Variants in FARP1 observed in about 807,000 individuals in gnomAD.
FARP1 encodes the protein FERM, ARH/RhoGEF and pleckstrin domain protein 1.
Under a neutral mutation model 128.8 loss-of-function variants are expected in FARP1, and 52 were observed. That is an observed-to-expected ratio of 0.40 (90% CI 0.32 to 0.51). The LOEUF is 0.51. Ranked by LOEUF, FARP1 falls within the 20% of genes least tolerant of loss-of-function variation. The pLI, the probability that FARP1 is intolerant of heterozygous loss-of-function variation, is 0.45. For synonymous variants in FARP1, 580 were observed against 551.8 expected (o/e 1.05, Z -0.72); for missense variants, 1,333 against 1,367.9 (o/e 0.97, Z 0.40).
At chr13:98,386,022 T>A in intron 8 of FARP1, 1 of 550,636 alleles carries the variant, frequency 1.8e-6, no homozygotes, top group Non-Finnish European at 3.2e-6. Flanking sequence ...GTTTGGGGAA[T>A]CCACATTACA....
At chr13:98,212,529 G>A (rs1880787897) in intron 1 of FARP1, among the ~76,000 whole-genome samples, 1 of 151,848 alleles carries the variant, frequency 6.6e-6, no homozygotes, top group South Asian at 2.1e-4. Context: ...AGACTATCTG[G>A]GGAGGAAAGA....
At chr13:98,372,673 T>A (rs1178088425) in intron 5 of FARP1, among the ~76,000 whole-genome samples, 2 of 152,236 alleles carry the variant, frequency 1.3e-5, no homozygotes, top group African/African-American at 4.8e-5. Context: ...TTATTCATAT[T>A]GAAAGCAAGG....
chr13:98,277,783 G>A (rs761541221), intron 2 of FARP1, among the ~76,000 whole-genome samples: 2 of 152,208 alleles, frequency 1.3e-5, no homozygotes, highest in African/African-American at 4.8e-5. Context: ...CTTCATGCCA[G>A]CTGCCTATTA....
intron 19 of FARP1, among the ~76,000 whole-genome samples, chr13:98,437,086 G>A (rs987493193): frequency 3.9e-5 from 6 of 152,102 alleles, no homozygotes; most frequent in African/African-American, 1.4e-4. Flanking sequence ...TTTGCTCTGT[G>A]AAAATGACAT....
intron 2 of FARP1, among the ~76,000 whole-genome samples, chr13:98,278,310 G>C (rs575941807): frequency 2.7e-5 from 4 of 150,210 alleles, no homozygotes; most frequent in Non-Finnish European, 5.9e-5. Context: ...GTGTGTGAGA[G>C]TATACTGCAA....
intron 1 of FARP1, chr13:98,175,956 C>G (rs1877981963): frequency 1.7e-6 from 1 of 576,200 alleles, no homozygotes; most frequent in Non-Finnish European, 3.1e-6. Context: ...GTCCATTCAT[C>G]CATCCATGGA....
At chr13:98,217,796 G>T (rs1218710882) in intron 2 of FARP1, among the ~76,000 whole-genome samples, 1 of 152,196 alleles carries the variant, frequency 6.6e-6, no homozygotes, top group Non-Finnish European at 1.5e-5. Flanking sequence ...GGAGGGCAAG[G>T]CCTCTTGTTC....
At chr13:98,150,676 C>T (rs756913309) in intron 1 of FARP1, among the ~76,000 whole-genome samples, 4 of 152,112 alleles carry the variant, frequency 2.6e-5, no homozygotes, top group Non-Finnish European at 5.9e-5. Context: ...GCATATTGCT[C>T]CTTTCAAGAG....
chr13:98,268,175 G>C (rs1287853990), intron 2 of FARP1, among the ~76,000 whole-genome samples: 1 of 152,204 alleles, frequency 6.6e-6, no homozygotes, highest in Non-Finnish European at 1.5e-5. Flanking sequence ...TCAGTGTCCA[G>C]AGATGAAATT....
chr13:98,231,941 C>T (rs997788075), intron 2 of FARP1, among the ~76,000 whole-genome samples: 2 of 152,068 alleles, frequency 1.3e-5, no homozygotes, highest in Non-Finnish European at 2.9e-5. Context: ...GATTTTCCTG[C>T]CTCAGCCTCC....
At chr13:98,413,092 A>G (rs573609679) in intron 16 of FARP1, among the ~76,000 whole-genome samples, 3 of 152,322 alleles carry the variant, frequency 2.0e-5, no homozygotes, top group South Asian at 2.1e-4. Context: ...TGTGAAGCCA[A>G]TATGCTGGGG....
At chr13:98,209,875 G>T (rs185467703) in intron 1 of FARP1, among the ~76,000 whole-genome samples, 1 of 149,640 alleles carries the variant, frequency 6.7e-6, no homozygotes, top group Admixed American at 6.7e-5. Flanking sequence ...CCAGCTACCC[G>T]GGAGGCTGAG....
At chr13:98,440,411 G>A (rs996978068) in intron 23 of FARP1, among the ~76,000 whole-genome samples, 176 bp downstream of exon 23, 6 of 152,186 alleles carry the variant, frequency 3.9e-5, no homozygotes, top group African/African-American at 1.4e-4. Flanking sequence ...AAATCGGCAT[G>A]AGGGAGCTGG....
intron 2 of FARP1, among the ~76,000 whole-genome samples, chr13:98,284,897 C>A (rs549754823): frequency 6.6e-6 from 1 of 152,114 alleles, no homozygotes; most frequent in Non-Finnish European, 1.5e-5. Flanking sequence ...TCTCTGTGTA[C>A]GCATTTCCTA....
At chr13:98,346,227 TCG>T in intron 3 of FARP1, among the ~76,000 whole-genome samples, 1 of 146,970 alleles carries the variant, frequency 6.8e-6, no homozygotes. Flanking sequence ...TCTTTCTCTG[TCG>T]CCCAGGCAGG....
intron 3 of FARP1, among the ~76,000 whole-genome samples, chr13:98,358,544 A>C (rs1019756049): frequency 6.6e-6 from 1 of 152,224 alleles, no homozygotes; most frequent in Admixed American, 6.5e-5. Context: ...TATCTTTTAA[A>C]TATAACCAAA....
At chr13:98,377,994 T>A in intron 6 of FARP1, 76 bp downstream of exon 6, 1 of 1,112,502 alleles carries the variant, frequency 9.0e-7, no homozygotes. Context: ...AAAAATCACA[T>A]CCACCAAAAA....
chr13:98,277,612 C>T (rs945126797), intron 2 of FARP1, among the ~76,000 whole-genome samples: 25 of 152,264 alleles, frequency 1.6e-4, no homozygotes, highest in Non-Finnish European at 2.6e-4. Flanking sequence ...TTCTGGGAGA[C>T]CTTCGGGGAC....
intron 2 of FARP1, among the ~76,000 whole-genome samples, chr13:98,260,899 A>C (rs1419418375): frequency 6.6e-6 from 1 of 152,182 alleles, no homozygotes; most frequent in East Asian, 1.9e-4. Flanking sequence ...AGGGGGCTGG[A>C]GAGAGTCAGG....
Sources: gnomAD v4.1 joint callset for allele counts (sites outside exome capture counted in the v4.1 genomes callset) on GRCh38, gnomAD v4.1.1 for gene constraint, MANE v1.5 for transcripts, NCBI Gene and HGNC (gene_info 2026-07-23, HGNC 2026-07-21) for gene names.